PHF3: variants seen among roughly 807,000 people sequenced by gnomAD.
The protein encoded by PHF3 is PHD finger protein 3.
PHF3 carries 41 observed loss-of-function variants against 178.4 expected under a neutral mutation model. The observed-to-expected ratio is 0.23, with a 90% CI of 0.18 to 0.30. The LOEUF (loss-of-function observed/expected upper bound fraction) is 0.30, where lower values mean the gene tolerates loss of function less well. PHF3 is among the 10% of genes least tolerant of loss of function. PHF3 has a pLI of 1.00. For missense variants in PHF3, 2,346 were observed against 2,398.1 expected, an observed-to-expected ratio of 0.98 and a Z score of 0.45; for synonymous variants, 842 against 800.5, an observed-to-expected ratio of 1.05 and a Z score of -0.88.
intron 2 of PHF3, among the ~76,000 whole-genome samples, chr6:63,652,751 G>A (rs1283345641): frequency 6.6e-6 from 1 of 152,064 alleles, no homozygotes; most frequent in African/African-American, 2.4e-5. Context: ...TCTGCACATA[G>A]ATATCCAGTT....
At chr6:63,689,822 G>A (rs866157664) in intron 4 of PHF3, among the ~76,000 whole-genome samples, 3 of 152,098 alleles carry the variant, frequency 2.0e-5, no homozygotes, top group Non-Finnish European at 2.9e-5. Context: ...TGGAACAATA[G>A]CATTATTTGT....
chr6:63,660,389 A>G (rs961902957), intron 2 of PHF3, among the ~76,000 whole-genome samples: 2 of 151,880 alleles, frequency 1.3e-5, no homozygotes, highest in South Asian at 4.2e-4. Context: ...TTTACAGTTG[A>G]AGAAATTGTG....
rs1337547047 is a variant in PHF3 at position 63,721,315 on chromosome 6, C to T, written c.*7607C>T. ...ACAGACTGGTTACATGTATTTCCAG[C>T]CCAATCTGGCAAACATCTGCAAGAA... On this transcript the variant is annotated 3_prime_UTR_variant, in exon 16 of 16. Transcript: ENST00000262043. 1 of 1,551,980 alleles carries T rather than the reference C, an allele frequency of 6.4e-7. No individual in the cohort carries two copies. Among genetic ancestry groups the T allele is most frequent in the Admixed American group, 2.0e-5 (1 of 50,986 alleles).
chr6:63,708,206 T>C (rs980823231), intron 13 of PHF3, among the ~76,000 whole-genome samples: 3 of 152,184 alleles, frequency 2.0e-5, no homozygotes, highest in African/African-American at 7.2e-5. Context: ...CTAATCACTT[T>C]TATATACAGT....
chr6:63,680,706 A>G (rs1038249010), intron 3 of PHF3, among the ~76,000 whole-genome samples: 2 of 152,074 alleles, frequency 1.3e-5, no homozygotes, highest in Non-Finnish European at 2.9e-5. Context: ...ACATACCAGC[A>G]GTTATACTAA....
chr6:63,660,321 G>A (rs1279244984), intron 2 of PHF3, among the ~76,000 whole-genome samples: 21 of 151,630 alleles, frequency 1.4e-4, no homozygotes, highest in Non-Finnish European at 1.0e-4. Context: ...ATCAGATAAA[G>A]TTGATTCAGG....
chr6:63,688,616 C>T (rs1027959824), intron 4 of PHF3, among the ~76,000 whole-genome samples: 1 of 151,828 alleles, frequency 6.6e-6, no homozygotes, highest in African/African-American at 2.4e-5. Context: ...ATTACAGGCA[C>T]AAGCCATGGC....
Position 63,635,864 on chromosome 6 carries a change from C to G in PHF3, c.-312C>G, listed in dbSNP as rs975788137. The G allele has an allele frequency of 2.5e-6, 1 of 397,238 alleles. No individual in the cohort carries two copies. The highest frequency in any genetic ancestry group is 2.1e-5 in the African/African-American group (1 of 48,538). The allele number at this position is 397,238 out of a possible 1,614,324, so 24.6% of individuals were successfully genotyped here. ...CGCCGCCGCCGCACGCCGATGGCTG[C>G]GGGGTCTCGCGCCGTCGCACCGTCC... On this transcript the variant is annotated 5_prime_UTR_variant, in exon 1 of 16. Coordinates refer to ENST00000262043, the MANE Select transcript of PHF3 (RefSeq NM_001370348.2).
intron 2 of PHF3, among the ~76,000 whole-genome samples, chr6:63,653,443 A>G (rs538430789): frequency 1.3e-5 from 2 of 151,870 alleles, no homozygotes; most frequent in East Asian, 1.9e-4. Flanking sequence ...AAAGTGTTCT[A>G]CATTTTTCGG....
Position 63,724,296 on chromosome 6 carries a change from T to C in PHF3, c.*10588T>C, listed in dbSNP as rs943682651. On this transcript the variant is annotated 3_prime_UTR_variant, in exon 16 of 16. Coordinates refer to ENST00000262043, the MANE Select transcript of PHF3 (RefSeq NM_001370348.2). ...TCTGCTATCCCACCGTGCTTTATTATAGATAAGAGAAACCTTGTAGGACCT... is the reference window on the plus strand; with the variant it reads ...TCTGCTATCCCACCGTGCTTTATTACAGATAAGAGAAACCTTGTAGGACCT... 2.6e-5 allele frequency among the ~76,000 whole-genome samples: 4 copies of C among 152,202 alleles called. No individual in the cohort carries two copies. The highest frequency in any genetic ancestry group is 9.6e-5 in the African/African-American group (4 of 41,452).
At chr6:63,668,267 A>G (rs1337131317) in intron 2 of PHF3, among the ~76,000 whole-genome samples, 1 of 152,216 alleles carries the variant, frequency 6.6e-6, no homozygotes, top group Non-Finnish European at 1.5e-5. Context: ...ATGATCTTTC[A>G]GAGTAAAGAG....
chr6:63,674,861 G>T (rs1318564620), intron 2 of PHF3, among the ~76,000 whole-genome samples: 1 of 152,090 alleles, frequency 6.6e-6, no homozygotes, highest in African/African-American at 2.4e-5. Context: ...CATAATTAAC[G>T]CATTCCAAAT....
At chr6:63,644,004 G>C (rs368301913) in intron 1 of PHF3, among the ~76,000 whole-genome samples, 1 of 152,172 alleles carries the variant, frequency 6.6e-6, no homozygotes, top group Non-Finnish European at 1.5e-5. Flanking sequence ...ACTTCTGAAT[G>C]TTGTGAATGT....
chr6:63,708,520 A>G (rs773629885), intron 13 of PHF3, among the ~76,000 whole-genome samples: 12 of 152,176 alleles, frequency 7.9e-5, no homozygotes, highest in Non-Finnish European at 1.6e-4. Context: ...AATAATTTAA[A>G]TAAACTAAAT....
In PHF3 at chr6:63,684,272, G is replaced by C; in HGVS notation, c.550G>C (p.Glu184Gln). 2 of 1,614,012 alleles carry C rather than the reference G, an allele frequency of 1.2e-6. No individual in the cohort carries two copies. Among genetic ancestry groups the C allele is most frequent in the Non-Finnish European group, 1.7e-6 (2 of 1,179,890 alleles). Reference sequence around the variant, plus strand: ...ACCAGAAAGGAGTCAGGTTAAAGAAGAAGTATGTATGTCACTGAAACCTGA... The same window carrying C: ...ACCAGAAAGGAGTCAGGTTAAAGAACAAGTATGTATGTCACTGAAACCTGA... ...KQPERSQVKEEVCMSLKPEYH... is the reference protein window; with the variant it reads ...KQPERSQVKEQVCMSLKPEYH... Residue 184 changes from glutamate (E) to glutamine (Q), a missense_variant, in exon 4 of 16, where the codon GAA (glutamate) becomes CAA (glutamine). Glu to Gln is a conservative substitution (Grantham distance 29). Transcript: ENST00000262043.
At chr6:63,668,529 A>T (rs1402164158) in intron 2 of PHF3, among the ~76,000 whole-genome samples, 1 of 151,978 alleles carries the variant, frequency 6.6e-6, no homozygotes, top group Non-Finnish European at 1.5e-5. Context: ...TTTTGTATAG[A>T]TGGGGTCTCT....
intron 2 of PHF3, among the ~76,000 whole-genome samples, chr6:63,675,062 A>G (rs1561957049): frequency 1.3e-5 from 2 of 152,208 alleles, no homozygotes; most frequent in Non-Finnish European, 2.9e-5. Flanking sequence ...AAATAGTATC[A>G]AGGTCAGGAG....
At chr6:63,657,273 A>G (rs1011844135) in intron 2 of PHF3, among the ~76,000 whole-genome samples, 2 of 152,138 alleles carry the variant, frequency 1.3e-5, no homozygotes, top group African/African-American at 4.8e-5. Flanking sequence ...GTAGTAGTCT[A>G]TTCTCAAAGG....
Position 63,711,924 on chromosome 6 carries a change from G to T in PHF3, c.4336G>T (p.Val1446Leu). The change falls in exon 16 of 16, where the codon GTG (valine) becomes TTG (leucine). Residue 1446 changes from valine to leucine, a missense_variant. By Grantham distance (32) the Val-to-Leu change is conservative (BLOSUM62 1). This residue lies in a region of PHF3 where 839 missense variants were observed against 806.9 expected (regional missense o/e 1.04). Transcript: ENST00000262043. ...AAAACCTTTAAGATTTCTTCCTGGC[G>T]TGTTGATTGGCTGGGAGAATCAACC... ...PPKPLRFLPG[V>L]LIGWENQPTT... is the part of the protein sequence containing the mutation. 2 of 1,613,942 alleles carry T rather than the reference G, an allele frequency of 1.2e-6. No homozygotes were observed. The highest frequency in any genetic ancestry group is 1.7e-6 in the Non-Finnish European group (2 of 1,179,934).
Sources: allele counts gnomAD v4.1 joint callset (sites outside exome capture counted in the v4.1 genomes callset), GRCh38; gene constraint gnomAD v4.1.1; regional missense constraint gnomAD v4.1.1; transcripts MANE v1.5; gene names NCBI Gene and HGNC (gene_info 2026-07-23, HGNC 2026-07-21).